Variants in CCNY observed in about 807,000 individuals in gnomAD.
The protein encoded by CCNY is cyclin-Y.
A neutral mutation model predicts 42.8 loss-of-function variants in CCNY; 19 were observed. The ratio of observed to expected loss-of-function variants is 0.44; its 90% CI spans 0.31 to 0.65. The LOEUF is 0.65. CCNY is among the 30% of genes least tolerant of loss of function. CCNY has a pLI of 0.07. For missense variants in CCNY, 370 were observed against 437.3 expected (o/e 0.85, Z 1.37); for synonymous variants, 165 against 162.7 (o/e 1.01, Z -0.11).
chr10:35,414,745 C>T (rs868638192), intron 1 of CCNY, among the ~76,000 whole-genome samples: 5 of 152,168 alleles, frequency 3.3e-5, no homozygotes, highest in African/African-American at 1.2e-4. Flanking sequence ...ACTTCACTAT[C>T]AGATGAGATT....
chr10:35,446,396 GT>G (rs1291027038), intron 1 of CCNY, among the ~76,000 whole-genome samples: 5 of 152,110 alleles, frequency 3.3e-5, no homozygotes, highest in East Asian at 3.9e-4. Flanking sequence ...AAAATGTGGA[GT>G]TTTTTTTCCC....
intron 3 of CCNY, among the ~76,000 whole-genome samples, chr10:35,321,719 T>A (rs1835824459): frequency 6.6e-6 from 1 of 152,120 alleles, no homozygotes; most frequent in Admixed American, 6.6e-5. Flanking sequence ...TAACTTATTC[T>A]AAAATTTATA....
chr10:35,423,062 C>G (rs1838192315), intron 1 of CCNY, among the ~76,000 whole-genome samples: 1 of 152,214 alleles, frequency 6.6e-6, no homozygotes, highest in African/African-American at 2.4e-5. Flanking sequence ...ATGCTGAACT[C>G]TCCACCTCCC....
chr10:35,506,299 C>A (rs752355171), intron 3 of CCNY, among the ~76,000 whole-genome samples: 1 of 152,174 alleles, frequency 6.6e-6, no homozygotes, highest in Non-Finnish European at 1.5e-5. Context: ...TTTCATGTGA[C>A]TAAAGGAACC....
intron 1 of CCNY, among the ~76,000 whole-genome samples, chr10:35,360,264 C>A (rs185344220): frequency 4.1e-5 from 6 of 144,598 alleles, no homozygotes; most frequent in South Asian, 2.2e-4. Context: ...AATTAAATTT[C>A]TTTTTTTTCC....
At chr10:35,499,664 T>G (rs751652677) in intron 2 of CCNY, among the ~76,000 whole-genome samples, 6 of 152,192 alleles carry the variant, frequency 3.9e-5, no homozygotes, top group Non-Finnish European at 7.3e-5. Flanking sequence ...TGTAGGGTGT[T>G]GAGGTGACCT....
chr10:35,496,122 A>G (rs927950291), intron 2 of CCNY, among the ~76,000 whole-genome samples: 12 of 152,238 alleles, frequency 7.9e-5, no homozygotes, highest in Non-Finnish European at 1.8e-4. Flanking sequence ...TCGTATATCC[A>G]AACAAAATTC....
intron 1 of CCNY, among the ~76,000 whole-genome samples, chr10:35,423,986 A>G (rs1838213815): frequency 6.6e-6 from 1 of 152,200 alleles, no homozygotes; most frequent in African/African-American, 2.4e-5. Context: ...TTCCCATACC[A>G]GTAACAAGGT....
intron 8 of CCNY, among the ~76,000 whole-genome samples, chr10:35,553,805 G>C (rs997414831): frequency 3.9e-5 from 6 of 152,018 alleles, no homozygotes; most frequent in Admixed American, 2.6e-4. Flanking sequence ...GCAGTGTCAG[G>C]GTTTCTCAGA....
rs1052866599 is a variant in CCNY, at chr10:35,381,147, A to G, written c.154+43940A>G. On this transcript the variant is annotated intron_variant, in intron 1 of 9. Transcript: ENST00000374704. ...AGAATTTTGCCTGCAGTTCTAAACA[A>G]TGTCGGTGATATTCTTTCCCCCAAA... 7.2e-5 allele frequency among the ~76,000 whole-genome samples: 11 copies of G among 152,342 alleles called. No homozygotes were observed. The East Asian group carries it at 1.9e-3, about 27-fold the overall frequency.
intron 3 of CCNY, among the ~76,000 whole-genome samples, chr10:35,326,071 G>T (rs1835877118): frequency 2.6e-5 from 4 of 152,004 alleles, no homozygotes. Flanking sequence ...GCAAGACTTT[G>T]TCTCAAAAAT....
chr10:35,429,605 G>T (rs1314948375), intron 1 of CCNY, among the ~76,000 whole-genome samples: 1 of 152,202 alleles, frequency 6.6e-6, no homozygotes, highest in Non-Finnish European at 1.5e-5. Context: ...GGGAGAAAAT[G>T]GGGTTGCTGT....
chr10:35,389,782 T>C (rs1837374552), intron 1 of CCNY, among the ~76,000 whole-genome samples: 1 of 152,168 alleles, frequency 6.6e-6, no homozygotes. Flanking sequence ...AACCCTTTTA[T>C]GTTGACTTCC....
intron 1 of CCNY, among the ~76,000 whole-genome samples, chr10:35,363,813 G>A (rs886106581): frequency 1.7e-4 from 26 of 152,196 alleles, no homozygotes; most frequent in African/African-American, 5.5e-4. Context: ...ATAATTTTGT[G>A]CCTGAAGGTG....
At chr10:35,342,685 T>G (rs1836209387) in intron 1 of CCNY, among the ~76,000 whole-genome samples, 1 of 152,222 alleles carries the variant, frequency 6.6e-6, no homozygotes, top group Non-Finnish European at 1.5e-5. Context: ...CCGTGCTAAT[T>G]ACTTGACCTG....
At chr10:35,371,866 T>A (rs534356470) in intron 1 of CCNY, among the ~76,000 whole-genome samples, 2 of 152,222 alleles carry the variant, frequency 1.3e-5, no homozygotes, top group Non-Finnish European at 2.9e-5. Flanking sequence ...TTCTGAGTTC[T>A]TAAGCAAGTC....
intron 9 of CCNY, among the ~76,000 whole-genome samples, chr10:35,568,834 A>G (rs541211262): frequency 5.9e-5 from 9 of 152,318 alleles, no homozygotes; most frequent in Admixed American, 5.9e-4. Context: ...TCACATCCTG[A>G]GAGTCTTTTC....
intron 1 of CCNY, among the ~76,000 whole-genome samples, chr10:35,369,723 A>G (rs1169081619): frequency 1.3e-5 from 2 of 152,240 alleles, no homozygotes; most frequent in Non-Finnish European, 2.9e-5. Flanking sequence ...GCCTACTAAT[A>G]TGCTGCTTAA....
At chr10:35,272,515 G>T (rs1394891408) in intron 3 of CCNY, among the ~76,000 whole-genome samples, 1 of 152,168 alleles carries the variant, frequency 6.6e-6, no homozygotes, top group African/African-American at 2.4e-5. Flanking sequence ...GTGAGAACAT[G>T]TGATGTTTGG....
Sources: gnomAD v4.1 joint callset for allele counts (sites outside exome capture counted in the v4.1 genomes callset) on GRCh38, gnomAD v4.1.1 for gene constraint, MANE v1.5 for transcripts, NCBI Gene and HGNC (gene_info 2026-07-23, HGNC 2026-07-21) for gene names.